The following LRP1B variants were observed in gnomAD, a reference collection of about 807,000 sequenced individuals.
LRP1B encodes the protein low-density lipoprotein receptor-related protein 1B.
A neutral mutation model predicts 556.6 loss-of-function variants in LRP1B; 217 were observed. That is an observed-to-expected ratio of 0.39 (90% CI 0.35 to 0.44). The LOEUF is 0.44. Among genes scored for constraint, LRP1B ranks in the 20% least tolerant of loss-of-function variants. The pLI is 1.00. For missense variants in LRP1B, 5,053 were observed against 5,620.8 expected (o/e 0.90, Z 3.23); for synonymous variants, 2,047 against 1,865.8 (o/e 1.10, Z -2.50).
At chr2:140,808,155 T>C (rs1436726657) in intron 32 of LRP1B, among the ~76,000 whole-genome samples, 1 of 149,306 alleles carries the variant, frequency 6.7e-6, no homozygotes, top group East Asian at 2.0e-4. Flanking sequence ...GAGCTATAGG[T>C]TGGTCAGCTT....
intron 1 of LRP1B, among the ~76,000 whole-genome samples, chr2:142,051,166 A>T (rs924134813): frequency 3.9e-5 from 6 of 152,072 alleles, no homozygotes; most frequent in Non-Finnish European, 8.8e-5. Flanking sequence ...CAAAGAGTCC[A>T]AGTAGTGCCT....
At chr2:140,237,399 G>A (rs1481663362) in intron 89 of LRP1B, among the ~76,000 whole-genome samples, 1 of 150,790 alleles carries the variant, frequency 6.6e-6, no homozygotes, top group Non-Finnish European at 1.5e-5. Flanking sequence ...TGCACACTTA[G>A]GTTGATTCTA....
chr2:140,629,308 T>A (rs1193915630), intron 41 of LRP1B, among the ~76,000 whole-genome samples: 1 of 151,810 alleles, frequency 6.6e-6, no homozygotes, highest in Non-Finnish European at 1.5e-5. Flanking sequence ...CCTGTAGCGA[T>A]CCACCCCCCT....
At chr2:141,636,071 A>G (rs1689099585) in intron 2 of LRP1B, among the ~76,000 whole-genome samples, 1 of 152,112 alleles carries the variant, frequency 6.6e-6, no homozygotes, top group South Asian at 2.1e-4. Context: ...TTAAGTGCCT[A>G]TTTATTGAGA....
intron 3 of LRP1B, among the ~76,000 whole-genome samples, chr2:141,308,222 T>G (rs1263832680): frequency 6.6e-6 from 1 of 152,176 alleles, no homozygotes; most frequent in African/African-American, 2.4e-5. Flanking sequence ...ACTTGAAATT[T>G]GGGCTACTGG....
chr2:142,121,521 T>G (rs1707455993), intron 1 of LRP1B, among the ~76,000 whole-genome samples: 1 of 152,170 alleles, frequency 6.6e-6, no homozygotes, highest in South Asian at 2.1e-4. Flanking sequence ...TCTCAAGGGT[T>G]GCATAGAAAA....
chr2:140,336,902 G>T (rs1014899356), intron 77 of LRP1B, among the ~76,000 whole-genome samples: 1 of 151,806 alleles, frequency 6.6e-6, no homozygotes. Context: ...GGTATTCCCA[G>T]GGGTATTATG....
intron 2 of LRP1B, among the ~76,000 whole-genome samples, chr2:141,614,823 C>T (rs567587318): frequency 6.6e-6 from 1 of 152,298 alleles, no homozygotes; most frequent in African/African-American, 2.4e-5. Context: ...ATAAATTTCA[C>T]TTGTTTTAAG....
chr2:141,907,481 G>A (rs1054119886), intron 1 of LRP1B, among the ~76,000 whole-genome samples: 14 of 151,832 alleles, frequency 9.2e-5, no homozygotes, highest in African/African-American at 2.2e-4. Context: ...ATATCTTCAT[G>A]TGACTTATCT....
At chr2:140,541,197 A>T (rs1354308012) in intron 44 of LRP1B, 99 bp from the exon 45 acceptor site, 5 of 979,766 alleles carry the variant, frequency 5.1e-6, no homozygotes, top group Non-Finnish European at 7.5e-6. Context: ...TCAATCTCTC[A>T]ATAATATGTC....
intron 3 of LRP1B, among the ~76,000 whole-genome samples, chr2:141,473,152 A>C (rs947388750): frequency 1.5e-5 from 2 of 136,700 alleles, no homozygotes; most frequent in Non-Finnish European, 3.3e-5. Context: ...CAGTGTTAAG[A>C]AGTCAGATGT....
At chr2:141,327,039 T>C (rs577718736) in intron 3 of LRP1B, among the ~76,000 whole-genome samples, 16 of 151,988 alleles carry the variant, frequency 1.1e-4, no homozygotes, top group South Asian at 4.1e-4. Flanking sequence ...CAATGAGAGA[T>C]AAATGAGATG....
Position 141,344,318 on chromosome 2 carries a change from C to A in LRP1B, c.344-89677G>T, listed in dbSNP as rs544390484. 6.6e-5 allele frequency among the ~76,000 whole-genome samples: 10 copies of A among 152,278 alleles called. No individual in the cohort carries two copies. The South Asian group carries it at 2.1e-3, about 32-fold the overall frequency. ...CTACAGGGTCCTACATAACAAGGTC[C>A]TGTTATCATTCTGAACTCATCTGCT... On this transcript the variant is annotated intron_variant, in intron 3 of 90. Coordinates refer to ENST00000389484, the MANE Select transcript of LRP1B (RefSeq NM_018557.3).
chr2:141,167,600 G>GAT (rs751081360), intron 7 of LRP1B, among the ~76,000 whole-genome samples: 9 of 151,596 alleles, frequency 5.9e-5, no homozygotes, highest in South Asian at 2.1e-4. Flanking sequence ...TCATATAGGT[G>GAT]ATATATATAT....
At chr2:141,641,119 C>T (rs886777672) in intron 2 of LRP1B, among the ~76,000 whole-genome samples, 1 of 152,104 alleles carries the variant, frequency 6.6e-6, no homozygotes, top group Non-Finnish European at 1.5e-5. Context: ...ATCTTTCCCC[C>T]TCTGTACTGA....
At chr2:140,694,160 A>G (rs993195066) in intron 41 of LRP1B, among the ~76,000 whole-genome samples, 1 of 152,234 alleles carries the variant, frequency 6.6e-6, no homozygotes, top group African/African-American at 2.4e-5. Context: ...GGTAAAACAG[A>G]AACATATATA....
At chr2:140,961,008 T>A (rs1015120876) in intron 18 of LRP1B, among the ~76,000 whole-genome samples, 1 of 151,836 alleles carries the variant, frequency 6.6e-6, no homozygotes, top group African/African-American at 2.4e-5. Flanking sequence ...ATAAAGAAGT[T>A]GTAGTTAATA....
At chr2:140,293,542 G>A (rs1683483112) in intron 84 of LRP1B, among the ~76,000 whole-genome samples, 1 of 152,106 alleles carries the variant, frequency 6.6e-6, no homozygotes, top group African/African-American at 2.4e-5. Context: ...AAGAGCTGAT[G>A]TTTTCCCTCC....
At chr2:141,816,355 T>G (rs182282142) in intron 1 of LRP1B, among the ~76,000 whole-genome samples, 1 of 152,244 alleles carries the variant, frequency 6.6e-6, no homozygotes, top group East Asian at 1.9e-4. Flanking sequence ...GTGGCTAGAA[T>G]AAAAGCAGGC....
Sources: gnomAD v4.1 joint callset for allele counts (sites outside exome capture counted in the v4.1 genomes callset) on GRCh38, gnomAD v4.1.1 for gene constraint, MANE v1.5 for transcripts, NCBI Gene and HGNC (gene_info 2026-07-23, HGNC 2026-07-21) for gene names.